DYRK1A: variants seen among roughly 807,000 people sequenced by gnomAD.
The protein encoded by DYRK1A is dual specificity tyrosine phosphorylation regulated kinase 1A.
DYRK1A carries 9 observed loss-of-function variants against 79.7 expected under a neutral mutation model. The ratio of observed to expected loss-of-function variants is 0.11; its 90% CI spans 0.07 to 0.20. The LOEUF is 0.20. Among genes scored for constraint, DYRK1A ranks in the 10% least tolerant of loss-of-function variants. DYRK1A has a pLI of 1.00. For synonymous variants in DYRK1A, 349 were observed against 329.7 expected (o/e 1.06, Z -0.63); for missense variants, 622 against 956.0 (o/e 0.65, Z 4.61).
intron 9 of DYRK1A, chr21:37,504,445 G>A (rs778979626): frequency 6.6e-6 from 1 of 152,204 alleles, no homozygotes; most frequent in African/African-American, 2.4e-5. Context: ...GAATTCAGGA[G>A]ATTTTTGTTC....
intron 9 of DYRK1A, among the ~76,000 whole-genome samples, chr21:37,499,357 G>A (rs2053370200): frequency 2.6e-5 from 4 of 152,204 alleles, no homozygotes; most frequent in African/African-American, 7.2e-5. Flanking sequence ...AGTTACAGCA[G>A]CATTTGCTGA....
chr21:37,424,195 C>T (rs2050553995), intron 2 of DYRK1A, among the ~76,000 whole-genome samples: 1 of 152,092 alleles, frequency 6.6e-6, no homozygotes. Context: ...TTTTCTTTGT[C>T]TGTGTCTCCT....
chr21:37,458,755 G>C (rs1479880427), intron 2 of DYRK1A, among the ~76,000 whole-genome samples: 2 of 152,198 alleles, frequency 1.3e-5, no homozygotes, highest in Non-Finnish European at 2.9e-5. Context: ...AACTTTGCAC[G>C]CCGCAGAGGA....
At chr21:37,366,523 T>C (rs1385039495), upstream of DYRK1A, among the ~76,000 whole-genome samples, 1 of 136,704 alleles carries the variant, frequency 7.3e-6, no homozygotes. Context: ...CCCCCTCCTC[T>C]CCCCTCCCCC....
intron 1 of DYRK1A, among the ~76,000 whole-genome samples, chr21:37,418,235 A>G (rs930003155): frequency 6.6e-6 from 1 of 152,168 alleles, no homozygotes; most frequent in Non-Finnish European, 1.5e-5. Flanking sequence ...GTTTATTGTT[A>G]CTTAGCATAT....
Position 37,491,491 on chromosome 21 carries a change from G to A in DYRK1A, c.924+1030G>A, listed in dbSNP as rs188112902. Among the ~76,000 whole-genome samples the A allele has an allele frequency of 6.6e-5, 10 of 151,860 alleles. No homozygotes were observed. The East Asian group carries it at 1.7e-3, about 26-fold the overall frequency. ...CCAAATTAGTGAAATTTTCTGTCCC[G>A]TCCTACTTTTGTCCAGGTTTTAACT... On this transcript the variant is annotated intron_variant, in intron 7 of 11. Transcript: ENST00000647188.
At chr21:37,405,770 G>T (rs1005014562) in intron 1 of DYRK1A, among the ~76,000 whole-genome samples, 1 of 152,102 alleles carries the variant, frequency 6.6e-6, no homozygotes, top group Non-Finnish European at 1.5e-5. Flanking sequence ...ATACATTAGT[G>T]TGATTTTTGT....
At chr21:37,422,880 C>T (rs1405629026) in intron 2 of DYRK1A, among the ~76,000 whole-genome samples, 3 of 152,128 alleles carry the variant, frequency 2.0e-5, no homozygotes, top group South Asian at 2.1e-4. Context: ...GTTCATGTAT[C>T]TATAGGTGTT....
At chr21:37,429,527 G>A (rs1474411155) in intron 2 of DYRK1A, among the ~76,000 whole-genome samples, 2 of 152,188 alleles carry the variant, frequency 1.3e-5, no homozygotes, top group Non-Finnish European at 2.9e-5. Context: ...AAAGAGAGAA[G>A]TGGGAGTGCT....
At chr21:37,478,711 CTGAAATA>C (rs1314854140) in intron 4 of DYRK1A, among the ~76,000 whole-genome samples, 1 of 152,086 alleles carries the variant, frequency 6.6e-6, no homozygotes, top group African/African-American at 2.4e-5. Context: ...TCAGGAAGCT[CTGAAATA>C]TGTTTAATAC....
chr21:37,386,516 C>G (rs886306103), intron 1 of DYRK1A, among the ~76,000 whole-genome samples: 2 of 152,224 alleles, frequency 1.3e-5, no homozygotes, highest in Non-Finnish European at 2.9e-5. Context: ...GTGCCACACA[C>G]AACAGTTGGC....
chr21:37,399,058 C>T lies in DYRK1A; in HGVS notation c.-76-21241C>T, dbSNP rs573902321. Among the ~76,000 whole-genome samples the T allele has an allele frequency of 1.6e-4, 25 of 152,176 alleles. No homozygotes were observed. In the East Asian group the frequency reaches 1.9e-3, roughly 12 times the overall value. The stretch of plus-strand genomic sequence containing the variant: ...AAGGATGTGTCCCATTCCCTGAAGT[C>T]AAGGGAAGCAGAGCTAAGATTGGTT... On this transcript the variant is annotated intron_variant, in intron 1 of 11. Transcript: ENST00000647188.
intron 2 of DYRK1A, among the ~76,000 whole-genome samples, chr21:37,461,118 T>C (rs2051824019): frequency 6.6e-6 from 1 of 152,164 alleles, no homozygotes; most frequent in African/African-American, 2.4e-5. Flanking sequence ...GATAGTACAG[T>C]TCCTAAAAAA....
intron 2 of DYRK1A, among the ~76,000 whole-genome samples, chr21:37,464,792 A>C (rs367990521): frequency 6.6e-6 from 1 of 152,248 alleles, no homozygotes; most frequent in South Asian, 2.1e-4. Context: ...TTATATGATC[A>C]TCCCTGTTAC....
intron 5 of DYRK1A, among the ~76,000 whole-genome samples, chr21:37,484,742 G>A (rs1451764088): frequency 6.6e-6 from 1 of 152,120 alleles, no homozygotes; most frequent in Admixed American, 6.6e-5. Flanking sequence ...TCATAGTTAG[G>A]TTTTTCTTCT....
At chr21:37,419,575 T>TA (rs1263122552) in intron 1 of DYRK1A, 2 of 152,158 alleles carry the variant, frequency 1.3e-5, no homozygotes, top group Non-Finnish European at 1.5e-5. Flanking sequence ...ATTTAAAACA[T>TA]AAAGTTTTCA....
intron 9 of DYRK1A, among the ~76,000 whole-genome samples, chr21:37,497,163 C>A (rs990259702): frequency 6.6e-6 from 1 of 152,088 alleles, no homozygotes; most frequent in Non-Finnish European, 1.5e-5. Context: ...GACGCTGCCA[C>A]CAGGTGTCAT....
In DYRK1A at chr21:37,520,593, T is replaced by C. The variant is rs747175153; in HGVS notation, c.*8062T>C. ...TTTGTTTGCATTAGACTATACATGATTTGCATTACAATGGGCCGTGGATTT... is the reference window on the plus strand; with the variant it reads ...TTTGTTTGCATTAGACTATACATGACTTGCATTACAATGGGCCGTGGATTT... On this transcript the variant is annotated 3_prime_UTR_variant, in exon 12 of 12. Coordinates refer to ENST00000647188, the MANE Select transcript of DYRK1A (RefSeq NM_001347721.2). 2 of 152,206 alleles carry C rather than the reference T, an allele frequency of 1.3e-5. No individual in the cohort carries two copies. The highest frequency in any genetic ancestry group is 2.9e-5 in the Non-Finnish European group (2 of 68,046). 9.4% of individuals were successfully genotyped at this position (152,206 alleles called of 1,614,324 possible). A position where few individuals can be genotyped will look rare whatever the true frequency, so the allele number is the denominator to read the frequency against.
At chr21:37,441,806 T>C (rs2051112692) in intron 2 of DYRK1A, among the ~76,000 whole-genome samples, 1 of 152,134 alleles carries the variant, frequency 6.6e-6, no homozygotes, top group African/African-American at 2.4e-5. Flanking sequence ...CATTTCGTTA[T>C]CTTTTCTGGT....
Sources: gnomAD v4.1 joint callset for allele counts (sites outside exome capture counted in the v4.1 genomes callset) on GRCh38, gnomAD v4.1.1 for gene constraint, MANE v1.5 for transcripts, NCBI Gene and HGNC (gene_info 2026-07-23, HGNC 2026-07-21) for gene names.